The following TACC2 variants were observed in gnomAD, a reference collection of about 807,000 sequenced individuals.
TACC2 encodes the protein transforming acidic coiled-coil-containing protein 2.
Under a neutral mutation model 227.3 loss-of-function variants are expected in TACC2, and 137 were observed. The observed-to-expected ratio is 0.60, with a 90% CI of 0.52 to 0.69. The LOEUF (loss-of-function observed/expected upper bound fraction) is 0.69, where lower values mean the gene tolerates loss of function less well. Among genes scored for constraint, TACC2 ranks in the 30% least tolerant of loss-of-function variants. TACC2 has a pLI of 0.00. For missense variants in TACC2, 3,470 were observed against 3,694.4 expected, an observed-to-expected ratio of 0.94 and a Z score of 1.57; for synonymous variants, 1,523 against 1,487.5, an observed-to-expected ratio of 1.02 and a Z score of -0.55.
chr10:122,239,962 CAGA>C (rs1406886217), intron 18 of TACC2, among the ~76,000 whole-genome samples: 1 of 152,192 alleles, frequency 6.6e-6, no homozygotes, highest in Non-Finnish European at 1.5e-5. Flanking sequence ...CAGAGTAGAG[CAGA>C]AGGATTATGA....
At chr10:122,137,218 G>A (rs1429078161) in intron 6 of TACC2, among the ~76,000 whole-genome samples, 1 of 151,804 alleles carries the variant, frequency 6.6e-6, no homozygotes, top group African/African-American at 2.4e-5. Flanking sequence ...CAGATCTTCT[G>A]GAACTTTGAA....
Position 122,085,585 on chromosome 10 carries a change from G to A in TACC2, c.3085G>A (p.Gly1029Ser). The stretch of plus-strand genomic sequence containing the variant: ...AGCTGATGGTTGTTCCCCACTCTGG[G>A]GCTTGAGTAAGAGGGAGATGGCAAG... ...EAADGCSPLW[G>S]LSKREMASGN... Residue 1029 changes from glycine (G) to serine (S), a missense_variant, in exon 4 of 23, where the codon GGC becomes AGC. Coordinates refer to ENST00000369005, the MANE Select transcript of TACC2 (RefSeq NM_206862.4). 6.2e-7 allele frequency: 1 copy of A among 1,613,282 alleles called. No homozygotes were observed. The highest frequency in any genetic ancestry group is 8.5e-7 in the Non-Finnish European group (1 of 1,180,044).
At chr10:121,993,664 C>T (rs1953134702) in intron 1 of TACC2, among the ~76,000 whole-genome samples, 1 of 152,048 alleles carries the variant, frequency 6.6e-6, no homozygotes, top group African/African-American at 2.4e-5. Context: ...CTCAATTTGT[C>T]ACCCAGGCTA....
At chr10:122,158,979 A>G (rs2092659953) in intron 7 of TACC2, among the ~76,000 whole-genome samples, 2 of 152,204 alleles carry the variant, frequency 1.3e-5, no homozygotes, top group Non-Finnish European at 2.9e-5. Flanking sequence ...GAGACACCAG[A>G]CACAGACACA....
chr10:122,210,674 G>T lies in TACC2; in HGVS notation c.6249G>T (p.Leu2083=), dbSNP rs200529740. The T allele has an allele frequency of 6.2e-7, 1 of 1,614,078 alleles. No individual in the cohort carries two copies. Among genetic ancestry groups the T allele is most frequent in the African/African-American group, 1.3e-5 (1 of 75,036 alleles). Residue 2083 remains leucine (L), a synonymous_variant, in exon 9 of 23, where the codon CTG becomes CTT. Transcript: ENST00000369005. This position sits in a 1 kb window ranked among gnomAD's most constrained non-coding sequence, Gnocchi z 4.6. The part of the protein sequence containing the change: ...TDSVPISKST[L]SRSLSLQASD... ...CCGTCCCCATCTCTAAGTCTACACT[G>T]TCCCGGTCGCTCAGCCTGCAAGCCA...
chr10:122,097,141 C>T (rs1422238326), intron 5 of TACC2, among the ~76,000 whole-genome samples: 1 of 151,718 alleles, frequency 6.6e-6, no homozygotes, highest in Non-Finnish European at 1.5e-5. Flanking sequence ...GCTTGGGCAA[C>T]ATAGTGAGAC....
chr10:122,237,137 G>A (rs1157038797), intron 16 of TACC2, among the ~76,000 whole-genome samples: 9 of 152,192 alleles, frequency 5.9e-5, no homozygotes, highest in Admixed American at 5.9e-4. Flanking sequence ...CAGACATGCT[G>A]GACTCCAAGG....
chr10:122,099,909 G>A (rs1341064676), intron 5 of TACC2, among the ~76,000 whole-genome samples: 1 of 152,202 alleles, frequency 6.6e-6, no homozygotes, highest in African/African-American at 2.4e-5. Context: ...CTTCAATGGA[G>A]AGGATTCTGT....
intron 8 of TACC2, among the ~76,000 whole-genome samples, chr10:122,201,318 A>G (rs938028028): frequency 6.9e-6 from 1 of 144,580 alleles, no homozygotes; most frequent in Non-Finnish European, 1.5e-5. Flanking sequence ...ACCTGCCCAC[A>G]GTGGCTGCGT....
intron 5 of TACC2, among the ~76,000 whole-genome samples, chr10:122,126,263 G>A (rs4373860): frequency 0.61 from 92,419 of 151,528 alleles, 32,600 homozygotes; most frequent in Non-Finnish European, 0.77. Context: ...CTTTATTTAG[G>A]TCTAAATGGA....
chr10:122,014,856 G>A (rs1956378380), intron 1 of TACC2, among the ~76,000 whole-genome samples: 1 of 152,180 alleles, frequency 6.6e-6, no homozygotes, highest in Non-Finnish European at 1.5e-5. Flanking sequence ...ATCAAAGAGA[G>A]GGATCACATG....
chr10:122,069,687 A>G (rs1345682724), intron 3 of TACC2, among the ~76,000 whole-genome samples: 1 of 152,188 alleles, frequency 6.6e-6, no homozygotes, highest in African/African-American at 2.4e-5. Flanking sequence ...AAAACATTGA[A>G]AAGCCACCGT....
At chr10:122,032,376 A>T (rs1402266782) in intron 2 of TACC2, among the ~76,000 whole-genome samples, 2 of 152,094 alleles carry the variant, frequency 1.3e-5, no homozygotes, top group African/African-American at 4.8e-5. Flanking sequence ...CTAGCACCTC[A>T]GGAGACTCTT....
At chr10:122,032,126 G>A (rs1591284798) in intron 2 of TACC2, among the ~76,000 whole-genome samples, 1 of 152,164 alleles carries the variant, frequency 6.6e-6, no homozygotes. Context: ...TGTGAGTCAT[G>A]CACCCGCCTC....
intron 1 of TACC2, among the ~76,000 whole-genome samples, chr10:121,990,732 C>G (rs1952993702): frequency 6.6e-6 from 1 of 152,160 alleles, no homozygotes; most frequent in African/African-American, 2.4e-5. Flanking sequence ...GTGCCTTCTC[C>G]AGTTTGCCAC....
At position 122,050,505 on chromosome 10, in the gene TACC2, A is replaced by T. The variant is rs764868224; in HGVS notation, c.101A>T (p.Lys34Met). The T allele has an allele frequency of 6.2e-7, 1 of 1,614,128 alleles. No individual in the cohort carries two copies. Among genetic ancestry groups the T allele is most frequent in the Non-Finnish European group, 8.5e-7 (1 of 1,180,026 alleles). Residue 34 changes from lysine (K) to methionine (M), a missense_variant, in exon 3 of 23, where the codon AAG (lysine) becomes ATG (methionine). Around this residue, in one of 10 missense-constraint regions of TACC2, gnomAD observed 405 missense variants for 389.6 expected, o/e 1.04. Transcript: ENST00000369005. The surrounding 1 kb of genome is among the most constrained non-coding windows in gnomAD (Gnocchi z 4.6). ...PPGNSQNIKRKQQDTPGSPDH... is the reference protein window; with the variant it reads ...PPGNSQNIKRMQQDTPGSPDH... ...GGGAACAGTCAGAATATAAAAAGGA[A>T]GCAGCAGGACACGCCCGGAAGCCCT... is the stretch of plus-strand genomic sequence containing the variant.
Position 122,086,339 on chromosome 10 carries a change from A to G in TACC2, c.3839A>G (p.Asn1280Ser). ...PVGEPPLALE[N>S]AASLKLFAGS... Reference sequence around the variant, plus strand: ...GGGGAGCCCCCACTTGCCTTGGAAAATGCTGCCTCCTTGAAGCTGTTTGCT... The same window carrying G: ...GGGGAGCCCCCACTTGCCTTGGAAAGTGCTGCCTCCTTGAAGCTGTTTGCT... The change falls in exon 4 of 23, where the codon AAT becomes AGT. Residue 1280 changes from asparagine (N) to serine (S), a missense_variant. Coordinates refer to ENST00000369005, the MANE Select transcript of TACC2 (RefSeq NM_206862.4). 2 of 1,613,774 alleles carry G rather than the reference A, an allele frequency of 1.2e-6. No individual in the cohort carries two copies. Among genetic ancestry groups the G allele is most frequent in the African/African-American group, 1.3e-5 (1 of 75,064 alleles).
Position 122,061,307 on chromosome 10 carries a change from G to A in TACC2, c.146+10757G>A, listed in dbSNP as rs1205896819. Among the ~76,000 whole-genome samples, 701 of 98,828 alleles carry A rather than the reference G, an allele frequency of 7.1e-3. 7 individuals carry two copies. Among genetic ancestry groups the A allele is most frequent in the African/African-American group, 0.022 (644 of 29,012 alleles). The allele number at this position is 98,828 out of a possible 152,430, so 64.8% of individuals were successfully genotyped here. A position where few individuals can be genotyped will look rare whatever the true frequency, so the allele number is the denominator to read the frequency against. ...TCTCAAAAAAAAAAAAAAAAAAAAA[G>A]GAGGGAGAAAAGAATCGAGGAAGAT... On this transcript the variant is annotated intron_variant, in intron 3 of 22. Coordinates refer to ENST00000369005, the MANE Select transcript of TACC2 (RefSeq NM_206862.4).
At chr10:122,059,207 C>T (rs1157085830) in intron 3 of TACC2, among the ~76,000 whole-genome samples, 1 of 152,002 alleles carries the variant, frequency 6.6e-6, no homozygotes, top group Non-Finnish European at 1.5e-5. Context: ...TGAGCCACCA[C>T]ACCCGGGCTC....
Sources: gnomAD v4.1 joint callset for allele counts (sites outside exome capture counted in the v4.1 genomes callset) on GRCh38, gnomAD v4.1.1 for gene constraint, gnomAD v4.1.1 regional missense constraint, Gnocchi (gnomAD v3.1) non-coding constraint, MANE v1.5 for transcripts, NCBI Gene and HGNC (gene_info 2026-07-23, HGNC 2026-07-21) for gene names.